The following CLSTN1 variants were observed in gnomAD, a reference collection of about 807,000 sequenced individuals.
CLSTN1 encodes calsyntenin 1.
Under a neutral mutation model 108.3 loss-of-function variants are expected in CLSTN1, and 28 were observed. That is an observed-to-expected ratio of 0.26 (90% CI 0.19 to 0.35). The LOEUF (loss-of-function observed/expected upper bound fraction) is 0.35, where lower values mean the gene tolerates loss of function less well. Among genes scored for constraint, CLSTN1 ranks in the 10% least tolerant of loss-of-function variants. The probability of loss-of-function intolerance (pLI) is 1.00; values close to 1 mark genes in which losing one functional copy is unlikely to be tolerated. For missense variants in CLSTN1, 1,157 were observed against 1,302.6 expected (o/e 0.89, Z 1.72); for synonymous variants, 524 against 534.9 (o/e 0.98, Z 0.28).
rs199818360 is a variant in CLSTN1 at position 9,733,932 on chromosome 1, G to A, written c.2281+40C>T. 2.5e-6 allele frequency: 4 copies of A among 1,574,302 alleles called. No homozygotes were observed. In the South Asian group the frequency reaches 4.6e-5, roughly 18 times the overall value. On this transcript the variant is annotated intron_variant, in intron 15 of 18. Transcript: ENST00000377298. ...CCAAGAGCTCTCAAAGTCCCCTCTT[G>A]CAGCCTGGCCCACCTGCGTGGCTGC...
chr1:9,791,141 CAA>C (rs139466878), intron 1 of CLSTN1, among the ~76,000 whole-genome samples: 4,172 of 73,992 alleles, frequency 0.056, 206 homozygotes, highest in African/African-American at 0.14. Flanking sequence ...GACTCTATCT[CAA>C]AAAAAAAAAA....
chr1:9,764,174 G>A (rs1292113253), intron 2 of CLSTN1, among the ~76,000 whole-genome samples: 1 of 151,746 alleles, frequency 6.6e-6, no homozygotes, highest in Non-Finnish European at 1.5e-5. Flanking sequence ...GCAACCACAG[G>A]CTCTTTTTAG....
chr1:9,773,491 A>C, intron 1 of CLSTN1, 97 bp from the exon 2 acceptor site: 1 of 1,304,490 alleles, frequency 7.7e-7, no homozygotes, highest in Non-Finnish European at 1.0e-6. Flanking sequence ...AAAATAATAA[A>C]ACTCTCATTA....
intron 2 of CLSTN1, among the ~76,000 whole-genome samples, chr1:9,772,618 C>G (rs1652747295): frequency 6.6e-6 from 1 of 152,220 alleles, no homozygotes; most frequent in African/African-American, 2.4e-5. Flanking sequence ...CAGAACAGCT[C>G]TGACTTGGAA....
intron 1 of CLSTN1, among the ~76,000 whole-genome samples, chr1:9,811,344 C>T (rs1317723570): frequency 2.0e-5 from 3 of 152,134 alleles, no homozygotes; most frequent in Middle Eastern, 3.2e-3. Flanking sequence ...GACATGTATT[C>T]GCTGCTTCCT....
At chr1:9,731,017 A>G in intron 18 of CLSTN1, 189 bp downstream of exon 18, 1 of 683,176 alleles carries the variant, frequency 1.5e-6, no homozygotes, top group Non-Finnish European at 2.5e-6. Context: ...TCTACACTTA[A>G]GGCAGAACGG....
chr1:9,803,181 T>C (rs951252517), intron 1 of CLSTN1, among the ~76,000 whole-genome samples: 1 of 152,068 alleles, frequency 6.6e-6, no homozygotes, highest in African/African-American at 2.4e-5. Flanking sequence ...CTTACTTAAG[T>C]GGGAAGGCAC....
chr1:9,822,358 T>C (rs1382653599), intron 1 of CLSTN1, among the ~76,000 whole-genome samples: 5 of 152,340 alleles, frequency 3.3e-5, no homozygotes, highest in Non-Finnish European at 5.9e-5. Flanking sequence ...CCTCGATGTT[T>C]AGAAAGGAAC....
At position 9,744,649 on chromosome 1, in the gene CLSTN1, G is replaced by A; in HGVS notation, c.986-6C>T. 6.2e-7 allele frequency: 1 copy of A among 1,604,456 alleles called. No individual in the cohort carries two copies. The highest frequency in any genetic ancestry group is 8.5e-7 in the Non-Finnish European group (1 of 1,177,794). On this transcript the variant is annotated splice_polypyrimidine_tract_variant and splice_region_variant and intron_variant, in intron 7 of 18. Transcript: ENST00000377298. ...GGCAGTGCCCGCGGCCGCACCTGAA[G>A]CCACAGTGCTCGGTGAAACTCATGT...
At position 9,773,793 on chromosome 1, in the gene CLSTN1, G is replaced by T. The variant is rs138260073; in HGVS notation, c.92-399C>A. On this transcript the variant is annotated intron_variant, in intron 1 of 18. Transcript: ENST00000377298. ...CTGTCACCCAGGCTGGAGCACAATG[G>T]TGTAATCATGACTCACTGCAGCCTC... Among the ~76,000 whole-genome samples the T allele has an allele frequency of 4.2e-3, 638 of 152,290 alleles. 12 individuals are homozygous for T. In the East Asian group the frequency reaches 0.043, roughly 10 times the overall value.
chr1:9,813,846 T>A (rs935933653), intron 1 of CLSTN1, among the ~76,000 whole-genome samples: 1 of 152,138 alleles, frequency 6.6e-6, no homozygotes, highest in African/African-American at 2.4e-5. Context: ...GCACCTGTAA[T>A]CCCAGCACTT....
At chr1:9,766,068 G>A (rs914033250) in intron 2 of CLSTN1, among the ~76,000 whole-genome samples, 2 of 152,070 alleles carry the variant, frequency 1.3e-5, no homozygotes, top group Admixed American at 1.3e-4. Flanking sequence ...GCTCCTCGGT[G>A]GGCTCTAACT....
intron 5 of CLSTN1, among the ~76,000 whole-genome samples, chr1:9,750,415 T>C (rs1001589909): frequency 6.6e-6 from 1 of 152,126 alleles, no homozygotes; most frequent in Non-Finnish European, 1.5e-5. Flanking sequence ...GTGCATTGAT[T>C]AACAATGGAA....
intron 1 of CLSTN1, among the ~76,000 whole-genome samples, chr1:9,796,443 G>A (rs901069056): frequency 2.7e-5 from 4 of 150,368 alleles, no homozygotes; most frequent in Non-Finnish European, 5.9e-5. Context: ...TTGGGAGGCC[G>A]AAGCGGGTGG....
At chr1:9,814,899 C>CA (rs35955812) in intron 1 of CLSTN1, among the ~76,000 whole-genome samples, 11 of 146,928 alleles carry the variant, frequency 7.5e-5, no homozygotes, top group South Asian at 2.2e-4. Context: ...GATCCTGTCT[C>CA]AAAAAAAAAA....
chr1:9,774,456 C>T (rs1390093718), intron 1 of CLSTN1, among the ~76,000 whole-genome samples: 2 of 151,722 alleles, frequency 1.3e-5, no homozygotes, highest in East Asian at 3.9e-4. Flanking sequence ...ATCCCAGCTA[C>T]TCGGGAGGCT....
At chr1:9,767,920 C>G (rs1284477174) in intron 2 of CLSTN1, among the ~76,000 whole-genome samples, 1 of 152,142 alleles carries the variant, frequency 6.6e-6, no homozygotes, top group Non-Finnish European at 1.5e-5. Context: ...GTGGTAATTA[C>G]TGTACCACCC....
In CLSTN1 at chr1:9,749,525, G is replaced by T. The variant is rs1017720749; in HGVS notation, c.921C>A (p.Thr307=). The T allele has an allele frequency of 3.1e-6, 5 of 1,614,234 alleles. No individual in the cohort carries two copies. The East Asian group carries it at 1.1e-4, about 36-fold the overall frequency. Residue 307 remains threonine, a synonymous_variant, in exon 7 of 19, where the codon ACC becomes ACA. Transcript: ENST00000377298. ...GGTCGCAGCCTTTCCCTATGTGGCT[G>T]GTTTCTAGCTCCACTGTGGCCTGTA... ...ASVQATVELE[T]SHIGKGCDRD...
intron 2 of CLSTN1, among the ~76,000 whole-genome samples, chr1:9,766,993 C>T (rs1212005100): frequency 6.6e-6 from 1 of 152,254 alleles, no homozygotes; most frequent in Non-Finnish European, 1.5e-5. Flanking sequence ...TGGGATCACA[C>T]TATGAACTGG....
Sources: allele counts gnomAD v4.1 joint callset (sites outside exome capture counted in the v4.1 genomes callset), GRCh38; gene constraint gnomAD v4.1.1; transcripts MANE v1.5; gene names NCBI Gene and HGNC (gene_info 2026-07-23, HGNC 2026-07-21).